CCDC14: variants seen among roughly 807,000 people sequenced by gnomAD.
CCDC14 encodes the protein coiled-coil domain containing 14.
In CCDC14, 71 loss-of-function variants were observed where a neutral mutation model predicts 81.4. That is an observed-to-expected ratio of 0.87 (90% CI 0.72 to 1.06). CCDC14 has a LOEUF of 1.06. Ranked by LOEUF, CCDC14 falls within the 50% of genes least tolerant of loss-of-function variation. The pLI, the probability that CCDC14 is intolerant of heterozygous loss-of-function variation, is 0.00. For missense variants in CCDC14, 1,046 were observed against 1,047.3 expected (o/e 1.00, Z 0.02); for synonymous variants, 332 against 364.8 (o/e 0.91, Z 1.03).
At chr3:123,887,495 CAAAAT>C in the CCDC14 span, among the ~76,000 whole-genome samples, 1 of 146,412 alleles carries the variant, frequency 6.8e-6, no homozygotes, top group South Asian at 2.2e-4. Flanking sequence ...AAAAAAAACA[CAAAAT>C]AAGTGGCTTA....
At chr3:123,887,858 T>G in the CCDC14 span, among the ~76,000 whole-genome samples, 2 of 152,198 alleles carry the variant, frequency 1.3e-5, no homozygotes, top group Admixed American at 6.5e-5. Context: ...TTCTATTATC[T>G]GCATATTGAA....
At chr3:123,922,578 C>G (rs904622785) in intron 12 of CCDC14, among the ~76,000 whole-genome samples, 2 of 151,976 alleles carry the variant, frequency 1.3e-5, no homozygotes, top group African/African-American at 4.8e-5. Flanking sequence ...TTACTATGAG[C>G]AATTATACAC....
chr3:123,924,238 C>A (rs762605659), intron 12 of CCDC14, among the ~76,000 whole-genome samples: 1 of 151,850 alleles, frequency 6.6e-6, no homozygotes, highest in East Asian at 1.9e-4. Flanking sequence ...GATCCACGTA[C>A]AGAAGAATGG....
Position 123,955,893 on chromosome 3 carries a change from T to C in CCDC14, c.302A>G (p.Lys101Arg). ...AATAGTATGTTTTTCATGTCTTTTC[T>C]TTTTTGATCCGTATCTTTTGCTTTC... ...PLESKRYGSKKKRHEKHTIPL... is the reference protein window; with the variant it reads ...PLESKRYGSKRKRHEKHTIPL... Residue 101 changes from lysine (K) to arginine (R), a missense_variant, in exon 5 of 13, where the codon AAG becomes AGG. Lys to Arg is a conservative substitution (Grantham distance 26, BLOSUM62 2). Transcript: ENST00000409697. The C allele has an allele frequency of 6.5e-7, 1 of 1,539,228 alleles. No homozygotes were observed. Among genetic ancestry groups the C allele is most frequent in the Non-Finnish European group, 8.8e-7 (1 of 1,139,688 alleles).
intron 5 of CCDC14, 73 bp downstream of exon 5, chr3:123,955,770 A>G (rs1013691435): frequency 1.5e-6 from 2 of 1,308,332 alleles, no homozygotes; most frequent in African/African-American, 3.0e-5. Context: ...AATCAACTGT[A>G]TAATCCTGAT....
At chr3:123,955,591 G>A (rs2037278568) in intron 5 of CCDC14, 4 of 291,940 alleles carry the variant, frequency 1.4e-5, no homozygotes, top group Admixed American at 4.9e-5. Context: ...CCTCCCAAAT[G>A]TCATTCTGAG....
chr3:123,941,043 G>C (rs2036322796), intron 9 of CCDC14, among the ~76,000 whole-genome samples: 1 of 151,868 alleles, frequency 6.6e-6, no homozygotes, highest in South Asian at 2.1e-4. Context: ...TTTATGTTCT[G>C]TGTGGCTACA....
chr3:123,934,849 A>G (rs2148872931), intron 9 of CCDC14, among the ~76,000 whole-genome samples: 1 of 152,346 alleles, frequency 6.6e-6, no homozygotes, highest in East Asian at 1.9e-4. Flanking sequence ...CGAGTTGATT[A>G]AAGTGATAAA....
Position 123,907,327 on chromosome 3 carries a change from G to C in CCDC14, c.668-9714C>G, listed in dbSNP as rs77928341. Among the ~76,000 whole-genome samples the C allele has an allele frequency of 8.5e-5, 13 of 152,166 alleles. No homozygotes were observed. The East Asian group carries it at 2.3e-3, about 27-fold the overall frequency. ...GTTTGGTGTTCATTCTTCCACTTGG[G>C]AATAGGCACCTATGCTCTCTGTCTC... is the stretch of plus-strand genomic sequence containing the variant. On this transcript the variant is annotated intron_variant, in intron 5 of 5. Coordinates refer to the CCDC14 transcript ENST00000479903.
chr3:123,945,041 G>C, intron 8 of CCDC14, 51 bp from the exon 9 acceptor site: 1 of 1,318,256 alleles, frequency 7.6e-7, no homozygotes, highest in Non-Finnish European at 1.0e-6. Flanking sequence ...TTTTGGACAA[G>C]ATTATTAGTA....
intron 5 of CCDC14, among the ~76,000 whole-genome samples, chr3:123,951,590 C>G (rs2148942062): frequency 6.6e-6 from 1 of 152,294 alleles, no homozygotes; most frequent in African/African-American, 2.4e-5. Flanking sequence ...CAAGTCCTTT[C>G]CTCTTGATTC....
the CCDC14 span, among the ~76,000 whole-genome samples, chr3:123,891,141 G>A: frequency 6.6e-6 from 1 of 151,926 alleles, no homozygotes; most frequent in Non-Finnish European, 1.5e-5. Flanking sequence ...TCCCCAGGCT[G>A]CACACAGCAC....
At chr3:123,899,464 G>A (rs145788021) in intron 5 of CCDC14, among the ~76,000 whole-genome samples, 54 of 152,186 alleles carry the variant, frequency 3.5e-4, no homozygotes, top group African/African-American at 9.6e-4. Context: ...TCTTCCCCTC[G>A]TCCCCGGGAA....
chr3:123,930,890 T>C lies in CCDC14; in HGVS notation c.1778+212A>G, dbSNP rs1433160606. The C allele has an allele frequency of 1.2e-5, 6 of 482,888 alleles. No individual in the cohort carries two copies. The South Asian group carries it at 2.1e-4, about 17-fold the overall frequency. The allele number at this position is 482,888 out of a possible 1,614,324, so 29.9% of individuals were successfully genotyped here. On this transcript the variant is annotated intron_variant, in intron 12 of 12. Transcript: ENST00000409697. Reference sequence around the variant, plus strand: ...TCTCATCAGGACCCCCTGCCCAGAATCACATGGTTTTAAAAAAACATTTCG... The same window carrying C: ...TCTCATCAGGACCCCCTGCCCAGAACCACATGGTTTTAAAAAAACATTTCG...
At chr3:123,919,698 G>C (rs2034928656) in intron 12 of CCDC14, among the ~76,000 whole-genome samples, 1 of 152,202 alleles carries the variant, frequency 6.6e-6, no homozygotes. Flanking sequence ...AGGTCTGCCT[G>C]CCTATAGTCA....
At chr3:123,942,088 C>T (rs1047283368) in intron 9 of CCDC14, among the ~76,000 whole-genome samples, 1 of 151,896 alleles carries the variant, frequency 6.6e-6, no homozygotes, top group African/African-American at 2.4e-5. Flanking sequence ...ACTTCCTAAC[C>T]GAGACAGTGT....
chr3:123,902,684 A>C (rs142657116), intron 5 of CCDC14, among the ~76,000 whole-genome samples: 1 of 152,250 alleles, frequency 6.6e-6, no homozygotes, highest in Non-Finnish European at 1.5e-5. Context: ...ATAAAAGACT[A>C]ATCAATTGCA....
At position 123,948,942 on chromosome 3, in the gene CCDC14, G is replaced by A; in HGVS notation, c.543C>T (p.Ile181=). 1 of 1,613,952 alleles carries A rather than the reference G, an allele frequency of 6.2e-7. No individual in the cohort carries two copies. ...ATGGTACAGCAGGAATTCCATTAGG[G>A]ATGTTCTTTGAAGTCAAGTCATTCA... The part of the protein sequence containing the change: ...SLMNDLTSKN[I]PNGIPAVPCH... The change falls in exon 6 of 13, where the codon ATC becomes ATT. Residue 181 remains isoleucine (I), a synonymous_variant. Transcript: ENST00000409697.
At chr3:123,948,289 T>C (rs1018049373) in intron 7 of CCDC14, among the ~76,000 whole-genome samples, 1 of 151,216 alleles carries the variant, frequency 6.6e-6, no homozygotes, top group Non-Finnish European at 1.5e-5. Context: ...CAGGCTGGAG[T>C]GCAGTGGCGC....
Sources: gnomAD v4.1 joint callset for allele counts (sites outside exome capture counted in the v4.1 genomes callset) on GRCh38, gnomAD v4.1.1 for gene constraint, MANE v1.5 for transcripts, NCBI Gene and HGNC (gene_info 2026-07-23, HGNC 2026-07-21) for gene names.